Variants in TRPM1 observed in about 807,000 individuals in gnomAD.
TRPM1 encodes TRPM1-203 APA Isoform, Intron 10.
Under a neutral mutation model 149.4 loss-of-function variants are expected in TRPM1, and 113 were observed. The observed-to-expected ratio is 0.76, with a 90% CI of 0.65 to 0.88. The LOEUF is 0.88. Ranked by LOEUF, TRPM1 falls within the 40% of genes least tolerant of loss-of-function variation. The pLI, the probability that TRPM1 is intolerant of heterozygous loss-of-function variation, is 0.00. For missense variants in TRPM1, 1,976 were observed against 2,038.7 expected, an observed-to-expected ratio of 0.97 and a Z score of 0.59; for synonymous variants, 741 against 759.5, an observed-to-expected ratio of 0.98 and a Z score of 0.40.
intron 1 of TRPM1, among the ~76,000 whole-genome samples, chr15:31,117,087 C>T (rs954784800): frequency 2.0e-5 from 3 of 152,288 alleles, no homozygotes; most frequent in Non-Finnish European, 4.4e-5. Flanking sequence ...CGGTGGTTTA[C>T]GCCTGTAATC....
chr15:31,050,557 G>T lies in TRPM1; in HGVS notation c.1289C>A (p.Thr430Lys). 6.2e-7 allele frequency: 1 copy of T among 1,613,894 alleles called. No homozygotes were observed. The highest frequency in any genetic ancestry group is 8.5e-7 in the Non-Finnish European group (1 of 1,180,014). Residue 430 changes from threonine (T) to lysine (K), a missense_variant, in exon 12 of 28, where the codon ACG becomes AAG. Physicochemically the swap from Thr to Lys is moderately conservative, Grantham distance 78. Transcript: ENST00000256552. ...WPPLGSLAPP[T>K]DSKATEKEKK... The stretch of plus-strand genomic sequence containing the variant: ...CTCCTTCTCCGTGGCTTTGCTGTCC[G>T]TCGGGGGTGCCAGGCTTCCCAGGGG...
At chr15:31,052,429 A>T (rs1276998530) in intron 11 of TRPM1, among the ~76,000 whole-genome samples, 1 of 152,180 alleles carries the variant, frequency 6.6e-6, no homozygotes, top group East Asian at 1.9e-4. Flanking sequence ...CACCATATAC[A>T]AATATTAACT....
At chr15:31,149,808 G>C (rs112327262) in intron 1 of TRPM1, among the ~76,000 whole-genome samples, 2,259 of 152,038 alleles carry the variant, frequency 0.015, 49 homozygotes, top group African/African-American at 0.048. Flanking sequence ...CGTGAGCCAC[G>C]GCGCCAGGCC....
chr15:31,010,403 G>A (rs1342567075), intron 27 of TRPM1, among the ~76,000 whole-genome samples: 1 of 152,050 alleles, frequency 6.6e-6, no homozygotes, highest in Non-Finnish European at 1.5e-5. Context: ...TTACATGTGG[G>A]TCTTTATAGT....
At chr15:31,130,880 C>T (rs919565752) in intron 1 of TRPM1, among the ~76,000 whole-genome samples, 1 of 152,180 alleles carries the variant, frequency 6.6e-6, no homozygotes, top group Non-Finnish European at 1.5e-5. Context: ...TAATAAAACT[C>T]CCATCTCCCG....
intron 1 of TRPM1, among the ~76,000 whole-genome samples, chr15:31,121,004 A>G (rs966470248): frequency 6.6e-6 from 1 of 152,092 alleles, no homozygotes; most frequent in Non-Finnish European, 1.5e-5. Context: ...CAAGGTGGGC[A>G]GATCACGAGG....
chr15:31,097,149 T>G (rs2035403852), intron 1 of TRPM1, among the ~76,000 whole-genome samples: 1 of 152,220 alleles, frequency 6.6e-6, no homozygotes, highest in Admixed American at 6.5e-5. Context: ...TTTCTGCTTA[T>G]CTAGACAAGG....
At chr15:31,088,772 T>C (rs574742403) in intron 1 of TRPM1, among the ~76,000 whole-genome samples, 5 of 144,902 alleles carry the variant, frequency 3.5e-5, no homozygotes, top group Non-Finnish European at 7.5e-5. Context: ...TTCCCAACCA[T>C]GGTATCAAAC....
intron 11 of TRPM1, among the ~76,000 whole-genome samples, chr15:31,053,411 C>G (rs967218418): frequency 8.4e-6 from 1 of 119,586 alleles, no homozygotes; most frequent in South Asian, 3.0e-4. Context: ...CCACCACTCC[C>G]GGCTCATTTT....
At chr15:31,053,314 G>A (rs1340600452) in intron 11 of TRPM1, among the ~76,000 whole-genome samples, 1 of 151,950 alleles carries the variant, frequency 6.6e-6, no homozygotes, top group African/African-American at 2.4e-5. Flanking sequence ...GCAGTGGCAC[G>A]ATGTTGGCTC....
At chr15:31,047,355 T>G in intron 14 of TRPM1, 104 bp from the exon 15 acceptor site, 3 of 1,287,984 alleles carry the variant, frequency 2.3e-6, no homozygotes, top group Non-Finnish European at 3.3e-6. Context: ...CACTTGGGAG[T>G]TCATGTAACA....
At chr15:31,036,196 C>A (rs2033361114) in intron 20 of TRPM1, among the ~76,000 whole-genome samples, 1 of 152,056 alleles carries the variant, frequency 6.6e-6, no homozygotes, top group African/African-American at 2.4e-5. Flanking sequence ...GTGGCCACAG[C>A]AGGGCCCCTA....
rs966443024 is a variant in TRPM1 at position 31,049,440 on chromosome 15, T to A, written c.1507A>T (p.Ile503Phe). 1.2e-5 allele frequency: 20 copies of A among 1,614,020 alleles called. No homozygotes were observed. The highest frequency in any genetic ancestry group is 1.1e-4 in the East Asian group (5 of 44,886). The change falls in exon 13 of 28, where the codon ATT (isoleucine) becomes TTT (phenylalanine). Residue 503 changes from isoleucine to phenylalanine, a missense_variant. Ile to Phe is a conservative substitution (Grantham distance 21). Coordinates refer to ENST00000256552, the MANE Select transcript of TRPM1 (RefSeq NM_001252024.2). ...LDRVDFVKLL[I>F]ENGVNMQHFL... ...TGTTGCATGTTCACTCCGTTTTCAA[T>A]CAGGAGCTTCACAAAGTCGACACGA...
intron 3 of TRPM1, among the ~76,000 whole-genome samples, chr15:31,071,413 G>A (rs746313106): frequency 5.3e-5 from 8 of 152,154 alleles, no homozygotes; most frequent in East Asian, 1.9e-4. Flanking sequence ...ATGCGTGCAC[G>A]TGTGTAATGC....
At chr15:31,032,000 G>A (rs1329249679) in intron 22 of TRPM1, among the ~76,000 whole-genome samples, 1 of 141,502 alleles carries the variant, frequency 7.1e-6, no homozygotes, top group African/African-American at 2.8e-5. Context: ...TTATAAATCA[G>A]GCGGGGTTTT....
intron 1 of TRPM1, among the ~76,000 whole-genome samples, chr15:31,118,881 G>T (rs2035838063): frequency 7.0e-6 from 1 of 143,220 alleles, no homozygotes; most frequent in Admixed American, 6.8e-5. Context: ...TGGGATTAGG[G>T]TTTCAACACA....
intron 11 of TRPM1, among the ~76,000 whole-genome samples, chr15:31,058,507 A>AT (rs1204727879): frequency 6.6e-6 from 1 of 152,158 alleles, no homozygotes; most frequent in Admixed American, 6.6e-5. Context: ...TGGTTTCTCC[A>AT]TTTTTTTAGA....
In TRPM1 at chr15:31,031,096, G is replaced by T; in HGVS notation, c.3014C>A (p.Ala1005Asp). The change falls in exon 23 of 28, where the codon GCC (alanine) becomes GAC (aspartate). Residue 1005 changes from alanine to aspartate, a missense_variant. Transcript: ENST00000256552. ...CTCTGGATGCAGAATGGCTTGACGG[G>T]CTACTCCGAAACTCATGAGCACGAC... The part of the protein sequence containing the change: ...MLVVLMSFGV[A>D]RQAILHPEEK... 6.2e-7 allele frequency: 1 copy of T among 1,614,144 alleles called. No homozygotes were observed. The highest frequency in any genetic ancestry group is 8.5e-7 in the Non-Finnish European group (1 of 1,180,014).
rs114325254 is a variant in TRPM1 at position 31,050,245 on chromosome 15, C to T, written c.1437+164G>A. Among the ~76,000 whole-genome samples, 683 of 152,228 alleles carry T rather than the reference C, an allele frequency of 4.5e-3. 6 individuals carry two copies. Among genetic ancestry groups the T allele is most frequent in the African/African-American group, 0.016 (660 of 41,528 alleles). On this transcript the variant is annotated intron_variant, in intron 12 of 27. Coordinates refer to ENST00000256552, the MANE Select transcript of TRPM1 (RefSeq NM_001252024.2). ...TGGACAACCGACAGGCTCATTGCAG[C>T]GAATGTGCTGTTGTAGTTTGAAATG...
Sources: gnomAD v4.1 joint callset for allele counts (sites outside exome capture counted in the v4.1 genomes callset) on GRCh38, gnomAD v4.1.1 for gene constraint, MANE v1.5 for transcripts, NCBI Gene and HGNC (gene_info 2026-07-23, HGNC 2026-07-21) for gene names.